Variants in STK32C observed in about 807,000 individuals in gnomAD.
STK32C encodes the protein serine/threonine-protein kinase 32C.
In STK32C, 31 loss-of-function variants were observed where a neutral mutation model predicts 56.5. The observed-to-expected ratio is 0.55, with a 90% CI of 0.41 to 0.74. The LOEUF (loss-of-function observed/expected upper bound fraction) is 0.74, where lower values mean the gene tolerates loss of function less well. Ranked by LOEUF, STK32C falls within the 30% of genes least tolerant of loss-of-function variation. The probability of loss-of-function intolerance (pLI) is 0.00; values close to 1 mark genes in which losing one functional copy is unlikely to be tolerated. For synonymous variants in STK32C, 309 were observed against 289.4 expected (o/e 1.07, Z -0.69); for missense variants, 544 against 676.9 (o/e 0.80, Z 2.18).
At chr10:132,268,819 GTGCA>G (rs1366552883) in intron 1 of STK32C, among the ~76,000 whole-genome samples, 2 of 147,810 alleles carry the variant, frequency 1.4e-5, no homozygotes, top group Non-Finnish European at 3.0e-5. Flanking sequence ...GTCGGTGTGT[GTGCA>G]TGCATGTGTA....
chr10:132,296,468 ACT>A (rs1191615424), intron 1 of STK32C, among the ~76,000 whole-genome samples: 1 of 152,102 alleles, frequency 6.6e-6, no homozygotes, highest in African/African-American at 2.4e-5. Flanking sequence ...GAACAAGGGA[ACT>A]CTCTGTATCA....
chr10:132,332,068 CCCCCGCGCGCAGGCGCACCACA>C (rs1174834510), upstream of STK32C: 3 of 285,154 alleles, frequency 1.1e-5, no homozygotes, highest in Admixed American at 1.1e-4. Context: ...AACACGCACA[CCCCCGCGCGCAGGCGCACCACA>C]CCCCTCGCGC....
At chr10:132,222,587 G>A (rs1390772464) in intron 10 of STK32C, 54 bp downstream of exon 10, 9 of 1,595,144 alleles carry the variant, frequency 5.6e-6, no homozygotes, top group South Asian at 1.1e-5. Flanking sequence ...CGGTGGTAGA[G>A]AGGAGCCCCA....
intron 1 of STK32C, among the ~76,000 whole-genome samples, chr10:132,254,579 G>A (rs2064037387): frequency 1.8e-5 from 1 of 55,624 alleles, no homozygotes; most frequent in Non-Finnish European, 3.1e-5. Context: ...GGCACAATGC[G>A]TGCACCCTCC....
rs780888116 is a variant in STK32C at position 132,224,421 on chromosome 10, C to T, written c.979G>A (p.Ala327Thr). ...TGGGGGCTCACCTTCCGCAGCAAGG[C>T]CACCATCTCCTTGGACCACGTGGGG... ...YVPTWSKEMV[A>T]LLRKLLTVNP... Residue 327 changes from alanine (A) to threonine (T), a missense_variant, in exon 8 of 12, where the codon GCC becomes ACC. By Grantham distance (58) the Ala-to-Thr change is moderately conservative. Coordinates refer to ENST00000298630, the MANE Select transcript of STK32C (RefSeq NM_173575.4). 2.6e-6 allele frequency: 4 copies of T among 1,552,838 alleles called. No individual in the cohort carries two copies. Among genetic ancestry groups the T allele is most frequent in the African/African-American group, 1.4e-5 (1 of 73,368 alleles).
chr10:132,216,889 T>C (rs2062489377), intron 10 of STK32C, among the ~76,000 whole-genome samples: 1 of 152,226 alleles, frequency 6.6e-6, no homozygotes, highest in African/African-American at 2.4e-5. Flanking sequence ...TGGAAACACC[T>C]GGATGTCCAG....
intron 1 of STK32C, among the ~76,000 whole-genome samples, chr10:132,294,649 T>C (rs2065680773): frequency 6.6e-6 from 1 of 152,146 alleles, no homozygotes; most frequent in Non-Finnish European, 1.5e-5. Context: ...CTCCAGCTAG[T>C]TGTGTACACA....
chr10:132,223,307 C>T (rs1372528859), intron 8 of STK32C, among the ~76,000 whole-genome samples: 1 of 152,178 alleles, frequency 6.6e-6, no homozygotes, highest in Non-Finnish European at 1.5e-5. Flanking sequence ...GCCCGGCTAG[C>T]GGCTAACACT....
In STK32C at chr10:132,228,010, T is replaced by G; in HGVS notation, c.437A>C (p.Gln146Pro). 1 of 1,613,832 alleles carries G rather than the reference T, an allele frequency of 6.2e-7. No individual in the cohort carries two copies. The highest frequency in any genetic ancestry group is 8.5e-7 in the Non-Finnish European group (1 of 1,180,014). The change falls in exon 3 of 12, where the codon CAG becomes CCG. Residue 146 changes from glutamine to proline, a missense_variant. By Grantham distance (76) the Gln-to-Pro change is moderately conservative (BLOSUM62 -1). Around this residue, in one of 3 missense-constraint regions of STK32C, gnomAD observed 182 missense variants for 217.7 expected, o/e 0.84. Coordinates refer to ENST00000298630, the MANE Select transcript of STK32C (RefSeq NM_173575.4). Reference sequence around the variant, plus strand: ...CACCAGGAAGACGTGCTCGATCTCCTGCAGGATCTCCAGCTCCCGGAAGAC... The same window carrying G: ...CACCAGGAAGACGTGCTCGATCTCCGGCAGGATCTCCAGCTCCCGGAAGAC... ...RNVFRELEIL[Q>P]EIEHVFLVNL...
intron 1 of STK32C, among the ~76,000 whole-genome samples, chr10:132,304,292 A>T (rs961005978): frequency 6.9e-5 from 10 of 144,210 alleles, no homozygotes; most frequent in Non-Finnish European, 1.3e-4. Context: ...AGAGGGGCTT[A>T]AAAAAAAAGC....
chr10:132,330,335 G>A, intron 1 of STK32C: 1 of 666,354 alleles, frequency 1.5e-6, no homozygotes, highest in Non-Finnish European at 2.8e-6. Context: ...CTGGAATGCT[G>A]AAACTTGTTA....
intron 1 of STK32C, among the ~76,000 whole-genome samples, chr10:132,278,551 G>A (rs895586530): frequency 7.2e-5 from 11 of 152,046 alleles, no homozygotes; most frequent in Non-Finnish European, 1.6e-4. Context: ...CACGAAGTCA[G>A]GAGATCAAGA....
intron 1 of STK32C, among the ~76,000 whole-genome samples, chr10:132,300,732 G>A (rs2065887512): frequency 6.6e-6 from 1 of 152,176 alleles, no homozygotes; most frequent in South Asian, 2.1e-4. Flanking sequence ...GTAAGGAAGC[G>A]CTCCAGGCAC....
chr10:132,307,480 A>G lies in STK32C; in HGVS notation c.262+92T>C. On this transcript the variant is annotated intron_variant, in intron 1 of 11. Transcript: ENST00000298630. The surrounding 1 kb of genome is among the most constrained non-coding windows in gnomAD (Gnocchi z 4.4). ...GGCGCCCCGGGAAGCCGTCCCGGACACCGGGGGAACCCCTGCGGGAAAAAG... is the reference window on the plus strand; with the variant it reads ...GGCGCCCCGGGAAGCCGTCCCGGACGCCGGGGGAACCCCTGCGGGAAAAAG... 1 of 1,343,082 alleles carries G rather than the reference A, an allele frequency of 7.4e-7. No individual in the cohort carries two copies. The highest frequency in any genetic ancestry group is 9.7e-7 in the Non-Finnish European group (1 of 1,026,848). 83.2% of individuals were successfully genotyped at this position (1,343,082 alleles called of 1,614,324 possible).
At chr10:132,225,183 A>C (rs768143309) in intron 7 of STK32C, 50 bp downstream of exon 7, 2 of 1,472,176 alleles carry the variant, frequency 1.4e-6, no homozygotes, top group Admixed American at 3.9e-5. Flanking sequence ...TGGTGGGGGC[A>C]GAGAGCAGGG....
chr10:132,270,129 C>G (rs1008232014), intron 1 of STK32C, among the ~76,000 whole-genome samples: 1 of 152,204 alleles, frequency 6.6e-6, no homozygotes, highest in African/African-American at 2.4e-5. Flanking sequence ...GAGGAGGAGG[C>G]CGAGAGAGCC....
intron 1 of STK32C, among the ~76,000 whole-genome samples, chr10:132,254,133 C>G (rs997485514): frequency 1.3e-5 from 2 of 152,136 alleles, no homozygotes; most frequent in African/African-American, 4.8e-5. Context: ...CATGGTGAAA[C>G]CCCGTCTCTA....
intron 10 of STK32C, among the ~76,000 whole-genome samples, chr10:132,215,982 C>A (rs1482166489): frequency 2.0e-5 from 3 of 152,186 alleles, no homozygotes; most frequent in Non-Finnish European, 2.9e-5. Context: ...AAGAGACTGG[C>A]AGCATTTTGC....
At chr10:132,273,346 G>C (rs2064890792) in intron 1 of STK32C, among the ~76,000 whole-genome samples, 1 of 152,162 alleles carries the variant, frequency 6.6e-6, no homozygotes, top group Admixed American at 6.5e-5. Context: ...GCAACTGCAG[G>C]TGTCTGTGGG....
Sources: allele counts gnomAD v4.1 joint callset (sites outside exome capture counted in the v4.1 genomes callset), GRCh38; gene constraint gnomAD v4.1.1; regional missense constraint gnomAD v4.1.1; non-coding constraint Gnocchi (gnomAD v3.1); transcripts MANE v1.5; gene names NCBI Gene and HGNC (gene_info 2026-07-23, HGNC 2026-07-21).